The following FAM114A2 variants were observed in gnomAD, a reference collection of about 807,000 sequenced individuals.
FAM114A2 encodes protein FAM114A2.
Under a neutral mutation model 58.4 loss-of-function variants are expected in FAM114A2, and 53 were observed. The ratio of observed to expected loss-of-function variants is 0.91; its 90% CI spans 0.73 to 1.14. FAM114A2 has a LOEUF of 1.14. Ranked by LOEUF, FAM114A2 falls within the 50% of genes most tolerant of loss-of-function variation. The pLI, the probability that FAM114A2 is intolerant of heterozygous loss-of-function variation, is 0.00. For missense variants in FAM114A2, 601 were observed against 581.1 expected (o/e 1.03, Z -0.35); for synonymous variants, 228 against 211.4 (o/e 1.08, Z -0.68).
rs1260143483 is a variant in FAM114A2 at position 154,034,787 on chromosome 5, T to G, written c.167A>C (p.Lys56Thr). 6.2e-7 allele frequency: 1 copy of G among 1,613,994 alleles called. No individual in the cohort carries two copies. Among genetic ancestry groups the G allele is most frequent in the Non-Finnish European group, 8.5e-7 (1 of 1,179,920 alleles). ...VVSTRKRPET[K>T]PSSDLETSKV... Reference sequence around the variant, plus strand: ...TGAAGTCTCAAGGTCACTGGAAGGTTTGGTCTCTGGTCTTTTCCGAGTGGA... The same window carrying G: ...TGAAGTCTCAAGGTCACTGGAAGGTGTGGTCTCTGGTCTTTTCCGAGTGGA... The change falls in exon 2 of 14, where the codon AAA becomes ACA. Residue 56 changes from lysine to threonine, a missense_variant. Transcript: ENST00000351797.
intron 9 of FAM114A2, among the ~76,000 whole-genome samples, chr5:154,010,097 A>C (rs1561551850): frequency 6.6e-6 from 1 of 152,364 alleles, no homozygotes; most frequent in East Asian, 1.9e-4. Context: ...TTAGAAGAGC[A>C]ATAATGTTTA....
At chr5:153,995,707 T>C (rs1206097016) in intron 12 of FAM114A2, among the ~76,000 whole-genome samples, 1 of 152,220 alleles carries the variant, frequency 6.6e-6, no homozygotes. Context: ...CATTTGCTTG[T>C]TTAAAATGCT....
chr5:154,005,737 T>C (rs1354582653), intron 9 of FAM114A2, among the ~76,000 whole-genome samples: 1 of 152,234 alleles, frequency 6.6e-6, no homozygotes, highest in Non-Finnish European at 1.5e-5. Context: ...CATTTGCAAG[T>C]GAAAGAGTCC....
chr5:154,018,905 ACC>A (rs1249072505), intron 8 of FAM114A2, among the ~76,000 whole-genome samples: 2 of 152,166 alleles, frequency 1.3e-5, no homozygotes, highest in African/African-American at 4.8e-5. Flanking sequence ...AGGGACATAT[ACC>A]TCAATGTAAT....
intron 11 of FAM114A2, 129 bp from the exon 12 acceptor site, chr5:153,998,004 G>A (rs901757510): frequency 5.2e-6 from 3 of 576,974 alleles, no homozygotes. Context: ...TTTCAAGGGA[G>A]TAAATACAGT....
intron 7 of FAM114A2, 93 bp downstream of exon 7, chr5:154,027,083 A>G (rs1047801965): frequency 9.4e-7 from 1 of 1,064,066 alleles, no homozygotes; most frequent in Non-Finnish European, 1.4e-6. Flanking sequence ...CAAAACATAC[A>G]CTTCATCTTC....
At chr5:154,005,180 A>G (rs1192476444) in intron 9 of FAM114A2, among the ~76,000 whole-genome samples, 3 of 152,190 alleles carry the variant, frequency 2.0e-5, no homozygotes, top group Non-Finnish European at 4.4e-5. Flanking sequence ...CACTGTGAAG[A>G]ACATCTACTG....
At chr5:154,004,474 A>G (rs185414902) in intron 9 of FAM114A2, among the ~76,000 whole-genome samples, 1 of 152,306 alleles carries the variant, frequency 6.6e-6, no homozygotes, top group East Asian at 1.9e-4. Context: ...ACCTCTCCTG[A>G]AAACTTATTC....
At chr5:154,025,617 G>C (rs553878582) in intron 8 of FAM114A2, among the ~76,000 whole-genome samples, 28 of 151,926 alleles carry the variant, frequency 1.8e-4, no homozygotes, top group African/African-American at 6.0e-4. Context: ...TGAAACCTGA[G>C]AGAATTTTTC....
intron 12 of FAM114A2, among the ~76,000 whole-genome samples, chr5:153,997,222 T>C (rs1212874073): frequency 1.3e-5 from 2 of 152,220 alleles, no homozygotes; most frequent in Non-Finnish European, 2.9e-5. Context: ...ATGACCCATA[T>C]CACCCATATG....
rs1769528364 is a variant in FAM114A2, at chr5:153,995,942, A to G, written c.1330-970T>C. Among the ~76,000 whole-genome samples, 4 of 152,210 alleles carry G rather than the reference A, an allele frequency of 2.6e-5. No individual in the cohort carries two copies. The South Asian group carries it at 8.3e-4, about 31-fold the overall frequency. ...CAAAATCTGAAGTTTGAATTTTATCAAGGTCTATATTTCCATTATAGGTCT... is the reference window on the plus strand; with the variant it reads ...CAAAATCTGAAGTTTGAATTTTATCGAGGTCTATATTTCCATTATAGGTCT... On this transcript the variant is annotated intron_variant, in intron 12 of 13. Coordinates refer to ENST00000351797, the MANE Select transcript of FAM114A2 (RefSeq NM_018691.4).
rs1251025315 is a variant in FAM114A2 at position 154,028,002 on chromosome 5, C to T, written c.630+147G>A. ...ATTTTTGTAAGCAGTAGAGCTCTCA[C>T]CCATCCCTGATCCCCCCAAAAAAAC... On this transcript the variant is annotated intron_variant, in intron 6 of 13. Coordinates refer to ENST00000351797, the MANE Select transcript of FAM114A2 (RefSeq NM_018691.4). 9 of 621,418 alleles carry T rather than the reference C, an allele frequency of 1.4e-5. 1 individual carries two copies. The highest frequency in any genetic ancestry group is 1.1e-4 in the South Asian group (4 of 37,754). 38.5% of individuals were successfully genotyped at this position (621,418 alleles called of 1,614,324 possible).
intron 5 of FAM114A2, 92 bp from the exon 6 acceptor site, chr5:154,028,375 T>A: frequency 1.2e-6 from 1 of 862,356 alleles, no homozygotes; most frequent in Non-Finnish European, 1.7e-6. Context: ...AAATAGTGGC[T>A]AACAATACCA....
intron 7 of FAM114A2, among the ~76,000 whole-genome samples, 180 bp from the exon 8 acceptor site, chr5:154,026,702 A>G (rs563240310): frequency 2.0e-5 from 3 of 152,236 alleles, no homozygotes; most frequent in East Asian, 3.9e-4. Context: ...AGGTAGGGAG[A>G]CTCTGTGCTT....
At position 154,027,295 on chromosome 5, in the gene FAM114A2, A is replaced by T; in HGVS notation, c.670T>A (p.Ser224Thr). 6.2e-7 allele frequency: 1 copy of T among 1,613,388 alleles called. No individual in the cohort carries two copies. Among genetic ancestry groups the T allele is most frequent in the Non-Finnish European group, 8.5e-7 (1 of 1,179,636 alleles). The change falls in exon 7 of 14, where the codon TCC (serine) becomes ACC (threonine). Residue 224 changes from serine (S) to threonine (T), a missense_variant. Transcript: ENST00000351797. ...TCTGTTTCCACGGTAACCTCATTGG[A>T]GGTCCGTATCTCTTCTTTCTCCTTC... ...EAKEKEEIRT[S>T]NEVTVETDKK...
In FAM114A2 at chr5:154,002,890, G is replaced by A. The variant is rs372450579; in HGVS notation, c.1073C>T (p.Ser358Leu). The change falls in exon 10 of 14, where the codon TCG (serine) becomes TTG (leucine). Residue 358 changes from serine to leucine, a missense_variant. Transcript: ENST00000351797. Reference protein sequence around the residue: ...LAENEEGEKQSEAENTEQVNK... With the variant: ...LAENEEGEKQLEAENTEQVNK... ...GACTTGCTCAGTATTTTCTGCTTCC[G>A]ACTGTTTTTCTCCTTCTTCATTCTC... 1.4e-5 allele frequency: 23 copies of A among 1,613,900 alleles called. No individual in the cohort carries two copies. Among genetic ancestry groups the A allele is most frequent in the East Asian group, 4.5e-5 (2 of 44,868 alleles).
At chr5:153,993,137 AG>A in intron 13 of FAM114A2, 27 bp from the exon 14 acceptor site, 1 of 1,586,710 alleles carries the variant, frequency 6.3e-7, no homozygotes, top group Non-Finnish European at 8.6e-7. Flanking sequence ...AACAAGAAAA[AG>A]AAAATATTAG....
chr5:154,007,915 CT>C (rs1770456727), intron 9 of FAM114A2, among the ~76,000 whole-genome samples: 1 of 152,066 alleles, frequency 6.6e-6, no homozygotes, highest in African/African-American at 2.4e-5. Flanking sequence ...AAAAATGAGG[CT>C]CACAGAGGTC....
chr5:154,034,217 A>G, intron 3 of FAM114A2, 61 bp downstream of exon 3: 1 of 1,004,984 alleles, frequency 1.0e-6, no homozygotes, highest in Non-Finnish European at 1.5e-6. Context: ...AGTCATATGC[A>G]ATGCAGATCT....
Sources: allele counts gnomAD v4.1 joint callset (sites outside exome capture counted in the v4.1 genomes callset), GRCh38; gene constraint gnomAD v4.1.1; transcripts MANE v1.5; gene names NCBI Gene and HGNC (gene_info 2026-07-23, HGNC 2026-07-21).